PSD3: variants seen among roughly 807,000 people sequenced by gnomAD.
PSD3 encodes pleckstrin and Sec7 domain containing 3.
Under a neutral mutation model 105.5 loss-of-function variants are expected in PSD3, and 49 were observed. That is an observed-to-expected ratio of 0.46 (90% CI 0.37 to 0.59). The LOEUF (loss-of-function observed/expected upper bound fraction) is 0.59, where lower values mean the gene tolerates loss of function less well. PSD3 is among the 20% of genes least tolerant of loss of function. The pLI, the probability that PSD3 is intolerant of heterozygous loss-of-function variation, is 0.00. For missense variants in PSD3, 1,561 were observed against 1,263.8 expected (o/e 1.24, Z -3.57); for synonymous variants, 557 against 457.8 (o/e 1.22, Z -2.77).
intron 11 of PSD3, among the ~76,000 whole-genome samples, chr8:18,608,570 T>A (rs1805031830): frequency 6.6e-6 from 1 of 152,224 alleles, no homozygotes; most frequent in Non-Finnish European, 1.5e-5. Context: ...TATTACTAAT[T>A]TGAAGAAACA....
intron 14 of PSD3, among the ~76,000 whole-genome samples, chr8:18,568,220 A>T (rs1165532803): frequency 6.6e-6 from 1 of 152,194 alleles, no homozygotes. Context: ...AAATGGGCTA[A>T]GATACCCAGT....
intron 2 of PSD3, among the ~76,000 whole-genome samples, chr8:18,913,068 AAC>A (rs1188033210): frequency 3.7e-4 from 42 of 113,258 alleles, no homozygotes; most frequent in African/African-American, 6.0e-4. Flanking sequence ...CAACTTTATA[AAC>A]ACACACACAC....
rs760856219 is a variant in PSD3, at chr8:18,611,402, A to G, written c.2411-10968T>C. Among the ~76,000 whole-genome samples the G allele has an allele frequency of 4.0e-4, 61 of 152,190 alleles. 1 individual carries two copies. The highest frequency in any genetic ancestry group is 1.2e-3 in the Admixed American group (18 of 15,284). ...TCCTTTAGCAAGACAGCCTAAGAAC[A>G]ACAGTTAAAACACATAATTTTTTAT... is the stretch of plus-strand genomic sequence containing the variant. On this transcript the variant is annotated intron_variant, in intron 11 of 15. Transcript: ENST00000327040.
chr8:19,067,200 G>C (rs1453361820), intron 1 of PSD3, among the ~76,000 whole-genome samples: 2 of 152,168 alleles, frequency 1.3e-5, no homozygotes, highest in African/African-American at 4.8e-5. Context: ...TGTGAGACAA[G>C]TCAGAGGAAA....
intron 9 of PSD3, among the ~76,000 whole-genome samples, chr8:18,742,526 T>A (rs1253842561): frequency 2.0e-5 from 3 of 152,226 alleles, no homozygotes; most frequent in Non-Finnish European, 4.4e-5. Flanking sequence ...ATGTAGTTAT[T>A]TCCATATATA....
chr8:18,567,034 A>G (rs551017971), intron 14 of PSD3, among the ~76,000 whole-genome samples: 7 of 152,278 alleles, frequency 4.6e-5, no homozygotes, highest in Admixed American at 4.6e-4. Flanking sequence ...TTAAAGTATA[A>G]AGTAAACAGA....
At chr8:18,790,509 A>G (rs974544374) in intron 8 of PSD3, among the ~76,000 whole-genome samples, 12 of 151,844 alleles carry the variant, frequency 7.9e-5, no homozygotes, top group South Asian at 4.2e-4. Context: ...TCACCATGTT[A>G]GCCAGGATGG....
intron 2 of PSD3, chr8:18,887,178 C>T (rs978077475): frequency 1.4e-4 from 21 of 152,252 alleles, no homozygotes; most frequent in Non-Finnish European, 2.1e-4. Context: ...GGTAGGTTCT[C>T]TTTAAAAGGG....
intron 9 of PSD3, among the ~76,000 whole-genome samples, chr8:18,750,546 G>A (rs947791553): frequency 3.9e-5 from 6 of 152,180 alleles, no homozygotes; most frequent in East Asian, 1.9e-4. Flanking sequence ...TGCAAAGAGC[G>A]AAAGAACAAA....
At chr8:19,040,379 A>T (rs1400460319) in intron 1 of PSD3, among the ~76,000 whole-genome samples, 3 of 151,814 alleles carry the variant, frequency 2.0e-5, no homozygotes, top group Non-Finnish European at 4.4e-5. Flanking sequence ...TAATTTTTGT[A>T]TGTTTTGTAG....
intron 11 of PSD3, among the ~76,000 whole-genome samples, chr8:18,601,126 A>G (rs1457461016): frequency 6.6e-6 from 1 of 152,220 alleles, no homozygotes; most frequent in East Asian, 1.9e-4. Flanking sequence ...ACAATCATAC[A>G]AATTATCCAA....
At position 18,788,572 on chromosome 8, in the gene PSD3, T is replaced by G. The variant is rs143697423; in HGVS notation, c.2082+10723A>C. Among the ~76,000 whole-genome samples, 396 of 152,290 alleles carry G rather than the reference T, an allele frequency of 2.6e-3. 3 individuals carry two copies. The highest frequency in any genetic ancestry group is 9.1e-3 in the African/African-American group (378 of 41,562). On this transcript the variant is annotated intron_variant, in intron 8 of 15. Transcript: ENST00000327040. Reference sequence around the variant, plus strand: ...TACTCTGATTCAGAGGTTGAAGAATTAAGCATAATGATTCTAAAATTCTTC... The same window carrying G: ...TACTCTGATTCAGAGGTTGAAGAATGAAGCATAATGATTCTAAAATTCTTC...
chr8:18,592,550 C>A (rs992834915), intron 12 of PSD3, among the ~76,000 whole-genome samples: 2 of 152,054 alleles, frequency 1.3e-5, no homozygotes, highest in Non-Finnish European at 2.9e-5. Flanking sequence ...ACACTGGGAC[C>A]AATGACCAAA....
chr8:18,994,423 G>T (rs191864417), intron 1 of PSD3, among the ~76,000 whole-genome samples: 1 of 151,998 alleles, frequency 6.6e-6, no homozygotes, highest in Non-Finnish European at 1.5e-5. Flanking sequence ...AGCAAATCAT[G>T]TGTTGGTATT....
intron 9 of PSD3, among the ~76,000 whole-genome samples, chr8:18,759,617 G>T (rs1309064419): frequency 2.0e-5 from 3 of 152,098 alleles, no homozygotes; most frequent in Non-Finnish European, 1.5e-5. Flanking sequence ...AAAATACTAA[G>T]GAGAGCAGTA....
At chr8:18,802,821 T>C (rs1232578212) in intron 6 of PSD3, among the ~76,000 whole-genome samples, 1 of 152,224 alleles carries the variant, frequency 6.6e-6, no homozygotes, top group African/African-American at 2.4e-5. Flanking sequence ...ACTTAGAAAC[T>C]TGTAATACAA....
At chr8:18,755,718 G>T (rs1437845869) in intron 9 of PSD3, among the ~76,000 whole-genome samples, 1 of 148,750 alleles carries the variant, frequency 6.7e-6, no homozygotes, top group Non-Finnish European at 1.5e-5. Context: ...AGCAGCATCT[G>T]TTCTGTTAAA....
chr8:18,713,464 G>C lies in PSD3; in HGVS notation c.2172+51985C>G, dbSNP rs151000627. ...GGATACAAAATCAATGTGCAAAAAT[G>C]ATAAGCATTCCTATACACCAACAAC... On this transcript the variant is annotated intron_variant, in intron 9 of 15. Coordinates refer to ENST00000327040, the MANE Select transcript of PSD3 (RefSeq NM_015310.4). Among the ~76,000 whole-genome samples, 776 of 152,172 alleles carry C rather than the reference G, an allele frequency of 5.1e-3. 27 individuals are homozygous for C. The highest frequency in any genetic ancestry group is 0.035 in the Admixed American group (538 of 15,274).
intron 1 of PSD3, among the ~76,000 whole-genome samples, chr8:19,009,315 C>T (rs1826847175): frequency 6.6e-6 from 1 of 152,186 alleles, no homozygotes; most frequent in Non-Finnish European, 1.5e-5. Flanking sequence ...TCAGTTTCTG[C>T]AACACGCAAT....
Sources: gnomAD v4.1 joint callset for allele counts (sites outside exome capture counted in the v4.1 genomes callset) on GRCh38, gnomAD v4.1.1 for gene constraint, MANE v1.5 for transcripts, NCBI Gene and HGNC (gene_info 2026-07-23, HGNC 2026-07-21) for gene names.